The following DLGAP2 variants were observed in gnomAD, a reference collection of about 807,000 sequenced individuals.
DLGAP2 encodes disks large-associated protein 2.
A neutral mutation model predicts 100.3 loss-of-function variants in DLGAP2; 26 were observed. The observed-to-expected ratio is 0.26, with a 90% confidence interval of 0.19 to 0.36. The LOEUF is 0.36. DLGAP2 is among the 10% of genes least tolerant of loss of function. DLGAP2 has a pLI of 1.00. For missense variants in DLGAP2, 1,858 were observed against 1,453.2 expected, an observed-to-expected ratio of 1.28 and a Z score of -4.53; for synonymous variants, 886 against 630.1, an observed-to-expected ratio of 1.41 and a Z score of -6.08.
At chr8:1,232,593 G>C (rs981917844) in intron 2 of DLGAP2, among the ~76,000 whole-genome samples, 1 of 152,176 alleles carries the variant, frequency 6.6e-6, no homozygotes, top group Non-Finnish European at 1.5e-5. Flanking sequence ...CCTTTACATT[G>C]GCTGATGTTT....
At chr8:1,320,133 G>A (rs1448893271) in intron 3 of DLGAP2, among the ~76,000 whole-genome samples, 3 of 152,058 alleles carry the variant, frequency 2.0e-5, no homozygotes, top group East Asian at 1.9e-4. Flanking sequence ...GGAAGAGGAG[G>A]GCTGAAGGGG....
chr8:1,552,739 C>T (rs145202943), intron 5 of DLGAP2, among the ~76,000 whole-genome samples: 1 of 152,130 alleles, frequency 6.6e-6, no homozygotes, highest in South Asian at 2.1e-4. Context: ...CCTTTTTTCA[C>T]TAGGAGCACT....
At chr8:1,258,198 T>G (rs1028597905) in intron 2 of DLGAP2, among the ~76,000 whole-genome samples, 1 of 152,236 alleles carries the variant, frequency 6.6e-6, no homozygotes, top group African/African-American at 2.4e-5. Flanking sequence ...TGAAAGGAGA[T>G]GTAACAGAGC....
At chr8:926,003 C>A (rs975899509) in intron 2 of DLGAP2, among the ~76,000 whole-genome samples, 2 of 152,196 alleles carry the variant, frequency 1.3e-5, no homozygotes, top group Non-Finnish European at 2.9e-5. Context: ...CAGTGAGTAA[C>A]TCACTTGGGC....
chr8:973,952 G>C (rs374047057), intron 2 of DLGAP2, among the ~76,000 whole-genome samples: 3 of 151,414 alleles, frequency 2.0e-5, no homozygotes, highest in Non-Finnish European at 1.5e-5. Flanking sequence ...CAAGCTGCGC[G>C]CGCAGACCGG....
chr8:1,275,377 C>G lies in DLGAP2; in HGVS notation c.106+16494C>G, dbSNP rs1214187744. ...TTTGGAATGGAAAAAAAAAAAAACA[C>G]AATAGATTTGCACCCCAGATGCTGA... On this transcript the variant is annotated intron_variant, in intron 3 of 14. Transcript: ENST00000637795. 2.0e-5 allele frequency among the ~76,000 whole-genome samples: 3 copies of G among 150,064 alleles called. No homozygotes were observed. The East Asian group carries it at 5.8e-4, about 29-fold the overall frequency.
At position 1,484,694 on chromosome 8, in the gene DLGAP2, T is replaced by C. The variant is rs1465673752; in HGVS notation, c.107-16672T>C. On this transcript the variant is annotated intron_variant, in intron 3 of 14. Transcript: ENST00000637795. ...ATTTGATAGAAAGATATTCATGTTG[T>C]TAGTCCGTAAACTCTTATGGGAGAT... Among the ~76,000 whole-genome samples, 3 of 152,254 alleles carry C rather than the reference T, an allele frequency of 2.0e-5. No individual in the cohort carries two copies. In the South Asian group the frequency reaches 6.2e-4, roughly 31 times the overall value.
intron 2 of DLGAP2, among the ~76,000 whole-genome samples, chr8:1,256,759 G>T (rs767813071): frequency 1.3e-5 from 2 of 152,192 alleles, no homozygotes; most frequent in Non-Finnish European, 2.9e-5. Context: ...TTGTGAAGGG[G>T]TGGTGCCTGC....
intron 3 of DLGAP2, among the ~76,000 whole-genome samples, chr8:1,481,810 A>C (rs1052075343): frequency 6.6e-6 from 1 of 152,164 alleles, no homozygotes; most frequent in African/African-American, 2.4e-5. Context: ...AGACTCCCAG[A>C]AGGGGAATTT....
At chr8:1,302,531 A>T (rs1170058287) in intron 3 of DLGAP2, 1 of 151,500 alleles carries the variant, frequency 6.6e-6, no homozygotes, top group Non-Finnish European at 1.5e-5. Context: ...GCTCTGCTCC[A>T]TACCCGGGAC....
At chr8:959,282 G>A (rs1313262104) in intron 2 of DLGAP2, among the ~76,000 whole-genome samples, 1 of 152,180 alleles carries the variant, frequency 6.6e-6, no homozygotes, top group Non-Finnish European at 1.5e-5. Flanking sequence ...AATGTTTTGG[G>A]GAAGGAGGTC....
At chr8:1,429,580 C>T (rs1282874852) in intron 3 of DLGAP2, among the ~76,000 whole-genome samples, 2 of 152,048 alleles carry the variant, frequency 1.3e-5, no homozygotes, top group African/African-American at 4.8e-5. Flanking sequence ...ACAATAACAA[C>T]TTACAAGAAC....
chr8:1,671,210 G>A (rs566790042), intron 10 of DLGAP2, among the ~76,000 whole-genome samples: 2 of 152,328 alleles, frequency 1.3e-5, no homozygotes, highest in South Asian at 4.1e-4. Context: ...TCAAAGAGGA[G>A]AAAATCCCAG....
At chr8:1,361,522 G>C (rs749713983) in intron 3 of DLGAP2, among the ~76,000 whole-genome samples, 2 of 152,176 alleles carry the variant, frequency 1.3e-5, no homozygotes, top group Admixed American at 6.5e-5. Context: ...GCTGAGAATT[G>C]CATAAACATT....
At chr8:1,095,693 C>T (rs527411834) in intron 2 of DLGAP2, among the ~76,000 whole-genome samples, 3 of 152,172 alleles carry the variant, frequency 2.0e-5, no homozygotes, top group Non-Finnish European at 4.4e-5. Flanking sequence ...AGGTCCCAGG[C>T]CAAAACAGTC....
intron 3 of DLGAP2, among the ~76,000 whole-genome samples, chr8:1,263,441 A>G (rs913248616): frequency 5.3e-5 from 8 of 152,184 alleles, no homozygotes; most frequent in Non-Finnish European, 1.2e-4. Context: ...GGGAAGACAT[A>G]CAGAATCCTA....
At chr8:1,373,348 T>A (rs6996211) in intron 3 of DLGAP2, among the ~76,000 whole-genome samples, 5 of 151,534 alleles carry the variant, frequency 3.3e-5, no homozygotes, top group Non-Finnish European at 5.9e-5. Context: ...GCGCCGCGCC[T>A]GGACCGTGGC....
chr8:1,209,667 G>T (rs1282111135), intron 2 of DLGAP2, among the ~76,000 whole-genome samples: 3 of 152,186 alleles, frequency 2.0e-5, no homozygotes, highest in Non-Finnish European at 4.4e-5. Flanking sequence ...CCTATTCCAA[G>T]CACTCTTAGA....
At position 1,549,458 on chromosome 8, in the gene DLGAP2, C is replaced by A. The variant is rs777660875; in HGVS notation, c.1005C>A (p.Phe335Leu). The change falls in exon 5 of 15, where the codon TTC (phenylalanine) becomes TTA (leucine). Residue 335 changes from phenylalanine (F) to leucine (L), a missense_variant. By Grantham distance (22) the Phe-to-Leu change is conservative. Transcript: ENST00000637795. Reference sequence around the variant, plus strand: ...ACCCCGACGCGCTGCAGAGCCCCTTCGGGGACCTGTCCCTCAAGACCTCCA... The same window carrying A: ...ACCCCGACGCGCTGCAGAGCCCCTTAGGGGACCTGTCCCTCAAGACCTCCA... ...HCYPDALQSP[F>L]GDLSLKTSKS... is the part of the protein sequence containing the mutation. The A allele has an allele frequency of 1.9e-6, 3 of 1,613,448 alleles. No individual in the cohort carries two copies. Among genetic ancestry groups the A allele is most frequent in the Non-Finnish European group, 2.5e-6 (3 of 1,179,770 alleles).
Sources: allele counts gnomAD v4.1 joint callset (sites outside exome capture counted in the v4.1 genomes callset), GRCh38; gene constraint gnomAD v4.1.1; transcripts MANE v1.5; gene names NCBI Gene and HGNC (gene_info 2026-07-23, HGNC 2026-07-21).